FMN2: variants seen among roughly 807,000 people sequenced by gnomAD.
FMN2 encodes formin 2, also known as formin-2.
Under a neutral mutation model 142.3 loss-of-function variants are expected in FMN2, and 51 were observed. The ratio of observed to expected loss-of-function variants is 0.36; its 90% CI spans 0.29 to 0.45. The LOEUF is 0.45. FMN2 is among the 20% of genes least tolerant of loss of function. The probability of loss-of-function intolerance (pLI) is 1.00; values close to 1 mark genes in which losing one functional copy is unlikely to be tolerated. For synonymous variants in FMN2, 882 were observed against 869.8 expected, an observed-to-expected ratio of 1.01 and a Z score of -0.25; for missense variants, 1,936 against 2,122.8, an observed-to-expected ratio of 0.91 and a Z score of 1.73.
At chr1:240,218,436 G>A (rs1265540840) in intron 6 of FMN2, among the ~76,000 whole-genome samples, 2 of 151,950 alleles carry the variant, frequency 1.3e-5, no homozygotes, top group African/African-American at 4.8e-5. Context: ...AATGCCAGAC[G>A]CAGTGGCATG....
At chr1:240,275,038 G>A (rs1298141224) in intron 7 of FMN2, among the ~76,000 whole-genome samples, 2 of 151,608 alleles carry the variant, frequency 1.3e-5, no homozygotes, top group Non-Finnish European at 2.9e-5. Flanking sequence ...CCTATAGCTG[G>A]TAGGGGAAAT....
chr1:240,111,878 C>T (rs144217917), intron 1 of FMN2, among the ~76,000 whole-genome samples: 2 of 152,284 alleles, frequency 1.3e-5, no homozygotes, highest in African/African-American at 4.8e-5. Flanking sequence ...CATGCCTCCC[C>T]ACATGGGTGT....
In FMN2 at chr1:240,092,444, A is replaced by G. The variant is rs761456511; in HGVS notation, c.335A>G (p.His112Arg). The G allele has an allele frequency of 6.2e-7, 1 of 1,610,070 alleles. No individual in the cohort carries two copies. The highest frequency in any genetic ancestry group is 8.5e-7 in the Non-Finnish European group (1 of 1,178,488). Reference sequence around the variant, plus strand: ...CAGACCGGGGAGCTGGACAGCGCTCACTCCCTGCTCACCAAGACTCCAGAC... The same window carrying G: ...CAGACCGGGGAGCTGGACAGCGCTCGCTCCCTGCTCACCAAGACTCCAGAC... ...ALQTGELDSAHSLLTKTPDLS... is the reference protein window; with the variant it reads ...ALQTGELDSARSLLTKTPDLS... Residue 112 changes from histidine (H) to arginine (R), a missense_variant, in exon 1 of 18, where the codon CAC becomes CGC. By Grantham distance (29) the His-to-Arg change is conservative (BLOSUM62 0). Transcript: ENST00000319653.
intron 15 of FMN2, among the ~76,000 whole-genome samples, chr1:240,397,252 C>A (rs1673812220): frequency 6.6e-6 from 1 of 152,122 alleles, no homozygotes; most frequent in African/African-American, 2.4e-5. Flanking sequence ...TACATGTCTT[C>A]TTTTGAGAAG....
chr1:240,166,816 T>C (rs911895341), intron 2 of FMN2, among the ~76,000 whole-genome samples: 1 of 152,198 alleles, frequency 6.6e-6, no homozygotes, highest in Non-Finnish European at 1.5e-5. Flanking sequence ...ATGAGTGGAA[T>C]TGGTGGTTCA....
intron 2 of FMN2, among the ~76,000 whole-genome samples, chr1:240,166,156 AAT>A (rs564781227): frequency 2.0e-5 from 3 of 148,792 alleles, no homozygotes; most frequent in African/African-American, 7.3e-5. Flanking sequence ...ATAAATATAA[AAT>A]ATATATATAT....
chr1:240,407,385 C>T (rs1210270251), intron 15 of FMN2, among the ~76,000 whole-genome samples: 2 of 152,046 alleles, frequency 1.3e-5, no homozygotes. Context: ...GTAATCTGCC[C>T]GCCTCGGCCC....
At chr1:240,212,932 T>G (rs1572072458) in intron 6 of FMN2, among the ~76,000 whole-genome samples, 1 of 152,068 alleles carries the variant, frequency 6.6e-6, no homozygotes, top group Non-Finnish European at 1.5e-5. Flanking sequence ...ACCCCTTTTG[T>G]TTTTTTGTGT....
At chr1:240,249,184 C>T (rs1480880469) in intron 6 of FMN2, among the ~76,000 whole-genome samples, 1 of 152,058 alleles carries the variant, frequency 6.6e-6, no homozygotes, top group African/African-American at 2.4e-5. Context: ...AGACCAATTT[C>T]CTGAAGTATT....
chr1:240,321,664 C>T (rs1670977649), intron 8 of FMN2, among the ~76,000 whole-genome samples: 1 of 152,166 alleles, frequency 6.6e-6, no homozygotes, highest in Non-Finnish European at 1.5e-5. Context: ...TCCCAACTAC[C>T]TATCTGTATG....
chr1:240,432,007 A>G (rs1675195984), intron 15 of FMN2, among the ~76,000 whole-genome samples: 1 of 151,826 alleles, frequency 6.6e-6, no homozygotes, highest in South Asian at 2.1e-4. Context: ...GTTGGGAAGT[A>G]TACCCTCTTC....
At chr1:240,127,520 C>T (rs1662563848) in intron 2 of FMN2, among the ~76,000 whole-genome samples, 1 of 151,980 alleles carries the variant, frequency 6.6e-6, no homozygotes, top group Non-Finnish European at 1.5e-5. Context: ...CTCTGTTGCC[C>T]AGGTTGGAGA....
chr1:240,257,932 C>A lies in FMN2; in HGVS notation c.4066-13C>A, dbSNP rs777110704. 6.2e-7 allele frequency: 1 copy of A among 1,609,604 alleles called. No individual in the cohort carries two copies. Among genetic ancestry groups the A allele is most frequent in the Non-Finnish European group, 8.5e-7 (1 of 1,177,438 alleles). On this transcript the variant is annotated splice_polypyrimidine_tract_variant and intron_variant, in intron 6 of 17. Transcript: ENST00000319653. ...AATTAACATTTTCCCCTTTTACTTT[C>A]TTTCTCGAGCAGGTTGTCAAGTTAT... is the stretch of plus-strand genomic sequence containing the variant.
At chr1:240,294,260 G>A (rs1272553005) in intron 7 of FMN2, among the ~76,000 whole-genome samples, 2 of 152,142 alleles carry the variant, frequency 1.3e-5, no homozygotes, top group Admixed American at 6.5e-5. Context: ...ACCATGGGTA[G>A]TATATATTTG....
chr1:240,368,314 G>T (rs1260286607), intron 14 of FMN2, among the ~76,000 whole-genome samples: 1 of 152,134 alleles, frequency 6.6e-6, no homozygotes, highest in Non-Finnish European at 1.5e-5. Context: ...ATCAGACTGG[G>T]TAGAACTGAC....
intron 8 of FMN2, among the ~76,000 whole-genome samples, chr1:240,319,255 G>A (rs1231034324): frequency 6.6e-6 from 1 of 152,196 alleles, no homozygotes; most frequent in East Asian, 1.9e-4. Context: ...AGTATCAGGA[G>A]TGATGGCGTT....
chr1:240,116,811 T>C (rs1053514194), intron 1 of FMN2, among the ~76,000 whole-genome samples: 8 of 152,064 alleles, frequency 5.3e-5, no homozygotes, highest in African/African-American at 1.7e-4. Flanking sequence ...CAGCAGCTTC[T>C]GGCACATCAT....
At chr1:240,121,609 T>G (rs1662252155) in intron 1 of FMN2, among the ~76,000 whole-genome samples, 1 of 151,176 alleles carries the variant, frequency 6.6e-6, no homozygotes, top group African/African-American at 2.4e-5. Context: ...CAGGATGGTC[T>G]TGATCTCCTG....
intron 13 of FMN2, among the ~76,000 whole-genome samples, chr1:240,344,700 T>C (rs1200601729): frequency 6.6e-6 from 1 of 152,180 alleles, no homozygotes; most frequent in Non-Finnish European, 1.5e-5. Context: ...TTAGAAAAAA[T>C]AACAAAATTG....
Sources: gnomAD v4.1 joint callset for allele counts (sites outside exome capture counted in the v4.1 genomes callset) on GRCh38, gnomAD v4.1.1 for gene constraint, MANE v1.5 for transcripts, NCBI Gene and HGNC (gene_info 2026-07-23, HGNC 2026-07-21) for gene names.